Variants in ABHD10 observed in about 807,000 individuals in gnomAD.
ABHD10 encodes the protein abhydrolase domain containing 10, depalmitoylase.
In ABHD10, 22 loss-of-function variants were observed where a neutral mutation model predicts 33.1. The ratio of observed to expected loss-of-function variants is 0.66; its 90% CI spans 0.47 to 0.95. ABHD10 has a LOEUF of 0.95. ABHD10 is among the 40% of genes least tolerant of loss of function. The pLI, the probability that ABHD10 is intolerant of heterozygous loss-of-function variation, is 0.00. For synonymous variants in ABHD10, 146 were observed against 133.9 expected (o/e 1.09, Z -0.62); for missense variants, 352 against 379.9 (o/e 0.93, Z 0.61).
chr3:111,981,694 T>G (rs2072587174), intron 1 of ABHD10, 90 bp from the exon 2 acceptor site: 3 of 1,165,902 alleles, frequency 2.6e-6, no homozygotes, highest in Admixed American at 2.4e-5. Flanking sequence ...ATCAATTCAT[T>G]GAGATAAGAA....
chr3:111,990,541 A>G (rs2072726687), intron 4 of ABHD10, among the ~76,000 whole-genome samples: 1 of 151,918 alleles, frequency 6.6e-6, no homozygotes, highest in Non-Finnish European at 1.5e-5. Context: ...AAAAATTAAG[A>G]TAAATTATAT....
chr3:111,979,942 C>T (rs1374000429), intron 1 of ABHD10, among the ~76,000 whole-genome samples: 1 of 152,198 alleles, frequency 6.6e-6, no homozygotes, highest in Non-Finnish European at 1.5e-5. Context: ...GATTAACTTG[C>T]ATTTAATTGT....
chr3:111,981,330 A>G (rs11927246), intron 1 of ABHD10, among the ~76,000 whole-genome samples: 30,156 of 133,332 alleles, frequency 0.23, 3,681 homozygotes, highest in Non-Finnish European at 0.3. Flanking sequence ...AAAAAAAAAA[A>G]AAAGAAAGAA....
In ABHD10 at chr3:111,981,943, A is replaced by C. The variant is rs10433337; in HGVS notation, c.302A>C (p.Lys101Thr). Residue 101 changes from lysine (K) to threonine (T), a missense_variant, in exon 2 of 5, where the codon AAA becomes ACA. Coordinates refer to ENST00000273359, the MANE Select transcript of ABHD10 (RefSeq NM_018394.4). ...GCGTTGGCGATTGAGGAGTTTTGCA[A>C]ATCTCTAGGTCACGCCTGCATAAGG... ...TKALAIEEFCKSLGHACIRFD... is the reference protein window; with the variant it reads ...TKALAIEEFCTSLGHACIRFD... The C allele has an allele frequency of 6.4e-7, 1 of 1,574,378 alleles. No individual in the cohort carries two copies. Among genetic ancestry groups the C allele is most frequent in the African/African-American group, 1.3e-5 (1 of 74,620 alleles).
intron 4 of ABHD10, among the ~76,000 whole-genome samples, chr3:111,987,398 TCTTA>T (rs1043889903): frequency 1.3e-5 from 2 of 152,196 alleles, no homozygotes; most frequent in Non-Finnish European, 2.9e-5. Context: ...CTTTTGGTCC[TCTTA>T]CTTTGTGGCA....
intron 4 of ABHD10, among the ~76,000 whole-genome samples, chr3:111,990,910 T>C (rs1304950029): frequency 6.6e-6 from 1 of 152,172 alleles, no homozygotes; most frequent in Non-Finnish European, 1.5e-5. Context: ...TATTCTAAGA[T>C]TTGATTTTAT....
intron 4 of ABHD10, among the ~76,000 whole-genome samples, chr3:111,988,685 A>T (rs2072703766): frequency 6.6e-6 from 1 of 151,858 alleles, no homozygotes; most frequent in Non-Finnish European, 1.5e-5. Context: ...GACCCCTCAG[A>T]CTCAAGAGAT....
At position 111,981,986 on chromosome 3, in the gene ABHD10, T is replaced by G. The variant is rs1357774583; in HGVS notation, c.326+19T>G. 6.8e-7 allele frequency: 1 copy of G among 1,460,634 alleles called. No individual in the cohort carries two copies. 90.5% of individuals were successfully genotyped at this position (1,460,634 alleles called of 1,614,324 possible). A position where few individuals can be genotyped will look rare whatever the true frequency, so the allele number is the denominator to read the frequency against. ...GCATAAGGTAGGAACAACACATTAC[T>G]GAGAAAATATTGCTACTGTTAGCAT... On this transcript the variant is annotated intron_variant, in intron 2 of 4. Coordinates refer to ENST00000273359, the MANE Select transcript of ABHD10 (RefSeq NM_018394.4).
In ABHD10 at chr3:111,981,943, A is replaced by G. The variant is rs10433337; in HGVS notation, c.302A>G (p.Lys101Arg). ...GCGTTGGCGATTGAGGAGTTTTGCAAATCTCTAGGTCACGCCTGCATAAGG... is the reference window on the plus strand; with the variant it reads ...GCGTTGGCGATTGAGGAGTTTTGCAGATCTCTAGGTCACGCCTGCATAAGG... The part of the protein sequence containing the change: ...TKALAIEEFC[K>R]SLGHACIRFD... Residue 101 changes from lysine (K) to arginine (R), a missense_variant, in exon 2 of 5, where the codon AAA becomes AGA. Physicochemically the swap from Lys to Arg is conservative, Grantham distance 26. Transcript: ENST00000273359. 8.2e-5 allele frequency: 129 copies of G among 1,574,378 alleles called. No individual in the cohort carries two copies. In the Admixed American group the frequency reaches 1.3e-3, roughly 16 times the overall value.
rs774472054 is a variant in ABHD10 at position 111,991,621 on chromosome 3, G to A, written c.821G>A (p.Arg274Gln). ...AGCACAGATGTGGATGTCATCCTCC[G>A]AAAACACAGTGATCACCGAATGAGG... The part of the protein sequence containing the change: ...VLSTDVDVIL[R>Q]KHSDHRMREK... Residue 274 changes from arginine to glutamine, a missense_variant, in exon 5 of 5, where the codon CGA becomes CAA. By Grantham distance (43) the Arg-to-Gln change is conservative. Coordinates refer to ENST00000273359, the MANE Select transcript of ABHD10 (RefSeq NM_018394.4). 1.4e-5 allele frequency: 22 copies of A among 1,613,924 alleles called. No individual in the cohort carries two copies. The African/African-American group carries it at 2.4e-4, about 18-fold the overall frequency.
At chr3:111,980,199 T>G (rs1390050748) in intron 1 of ABHD10, among the ~76,000 whole-genome samples, 1 of 152,188 alleles carries the variant, frequency 6.6e-6, no homozygotes, top group Admixed American at 6.5e-5. Context: ...TAAGAGGTGA[T>G]TTCTGGAAGA....
chr3:111,989,786 A>C (rs1317571211), intron 4 of ABHD10, among the ~76,000 whole-genome samples: 1 of 151,206 alleles, frequency 6.6e-6, no homozygotes, highest in Non-Finnish European at 1.5e-5. Context: ...AATCATTTGG[A>C]GACATATTTA....
rs1440182649 is a variant in ABHD10 at position 111,993,069 on chromosome 3, C to G, written c.*1348C>G. The G allele has an allele frequency of 6.6e-6, 1 of 152,188 alleles. No homozygotes were observed. Among genetic ancestry groups the G allele is most frequent in the African/African-American group, 2.4e-5 (1 of 41,424 alleles). 9.4% of individuals were successfully genotyped at this position (152,188 alleles called of 1,614,324 possible). ...ATAGTTTCTCCTGAACACCTGCTTT[C>G]CTTCTGGGAGTCTGGAATTTTGGTA... On this transcript the variant is annotated 3_prime_UTR_variant, in exon 5 of 5. Transcript: ENST00000273359.
intron 2 of ABHD10, among the ~76,000 whole-genome samples, chr3:111,984,237 G>A (rs974063800): frequency 6.6e-6 from 1 of 152,074 alleles, no homozygotes; most frequent in African/African-American, 2.4e-5. Context: ...TGCACCAGTT[G>A]CCCTGTTCTA....
At chr3:111,989,391 C>T (rs1274218792) in intron 4 of ABHD10, among the ~76,000 whole-genome samples, 1 of 152,186 alleles carries the variant, frequency 6.6e-6, no homozygotes, top group Admixed American at 6.5e-5. Flanking sequence ...AATGTCTTTG[C>T]TGTTTCTGAA....
chr3:111,986,876 T>C, intron 3 of ABHD10, 38 bp from the exon 4 acceptor site: 1 of 1,519,974 alleles, frequency 6.6e-7, no homozygotes, highest in Non-Finnish European at 8.8e-7. Context: ...ACCTGTTCTA[T>C]CTTAAAGACC....
At chr3:111,979,622 C>G (rs1368701814) in intron 1 of ABHD10, among the ~76,000 whole-genome samples, 6 of 152,216 alleles carry the variant, frequency 3.9e-5, no homozygotes, top group Admixed American at 6.5e-5. Flanking sequence ...GAGGCATGTT[C>G]TTTGTAAAAG....
chr3:111,981,319 A>G (rs574364672), intron 1 of ABHD10, among the ~76,000 whole-genome samples: 4 of 151,334 alleles, frequency 2.6e-5, no homozygotes, highest in Non-Finnish European at 5.9e-5. Context: ...CTCAAAAAAA[A>G]AAAAAAAAAA....
chr3:111,980,174 G>A (rs2072564135), intron 1 of ABHD10, among the ~76,000 whole-genome samples: 1 of 151,978 alleles, frequency 6.6e-6, no homozygotes, highest in South Asian at 2.1e-4. Flanking sequence ...TAATCATCTC[G>A]GGGAAATTAT....
Sources: gnomAD v4.1 joint callset for allele counts (sites outside exome capture counted in the v4.1 genomes callset) on GRCh38, gnomAD v4.1.1 for gene constraint, MANE v1.5 for transcripts, NCBI Gene and HGNC (gene_info 2026-07-23, HGNC 2026-07-21) for gene names.